DIP2C: variants seen among roughly 807,000 people sequenced by gnomAD.
DIP2C encodes the protein disco-interacting protein 2 homolog C.
DIP2C carries 33 observed loss-of-function variants against 192.4 expected under a neutral mutation model. The observed-to-expected ratio is 0.17, with a 90% CI of 0.13 to 0.23. The LOEUF (loss-of-function observed/expected upper bound fraction) is 0.23. Among genes scored for constraint, DIP2C ranks in the 10% least tolerant of loss-of-function variants. DIP2C has a pLI of 1.00. For synonymous variants in DIP2C, 979 were observed against 864.1 expected, an observed-to-expected ratio of 1.13 and a Z score of -2.33; for missense variants, 1,537 against 2,110.1, an observed-to-expected ratio of 0.73 and a Z score of 5.32.
chr10:664,938 C>A (rs1409980871), intron 1 of DIP2C: 3 of 152,078 alleles, frequency 2.0e-5, no homozygotes, highest in Non-Finnish European at 4.4e-5. Context: ...ACATTAAAAC[C>A]TTTATAACGA....
chr10:495,555 G>A (rs1844766949), intron 1 of DIP2C, among the ~76,000 whole-genome samples: 1 of 148,034 alleles, frequency 6.8e-6, no homozygotes, highest in African/African-American at 2.6e-5. Flanking sequence ...TTCTTCTAGC[G>A]ACTCTCTCAG....
In DIP2C at chr10:390,781, C is replaced by T. The variant is rs1484245093; in HGVS notation, c.1343G>A (p.Gly448Glu). 6.2e-7 allele frequency: 1 copy of T among 1,614,112 alleles called. No individual in the cohort carries two copies. Among genetic ancestry groups the T allele is most frequent in the Admixed American group, 1.7e-5 (1 of 60,002 alleles). ...CTCTCCCGTTGGGCTTTTTGGAAGT[C>T]CTTTATGGCAGGCGTCACTAGTCAA... ...VALTSDACHKGLPKSPTGEIP... is the reference protein window; with the variant it reads ...VALTSDACHKELPKSPTGEIP... Residue 448 changes from glycine to glutamate, a missense_variant, in exon 11 of 37, where the codon GGA becomes GAA. Physicochemically the swap from Gly to Glu is moderately conservative, Grantham distance 98. Around this residue, in one of 4 missense-constraint regions of DIP2C, gnomAD observed 677 missense variants for 989.9 expected, o/e 0.68. Coordinates refer to ENST00000280886, the MANE Select transcript of DIP2C (RefSeq NM_014974.3).
chr10:617,873 C>T (rs1470591827), intron 1 of DIP2C, among the ~76,000 whole-genome samples: 1 of 152,164 alleles, frequency 6.6e-6, no homozygotes, highest in African/African-American at 2.4e-5. Flanking sequence ...TCCAAGGGCA[C>T]TCATCTGTTC....
intron 1 of DIP2C, among the ~76,000 whole-genome samples, chr10:556,796 A>C (rs1034791389): frequency 6.6e-6 from 1 of 152,138 alleles, no homozygotes; most frequent in Non-Finnish European, 1.5e-5. Flanking sequence ...AAACCACCCT[A>C]AACAAGTGTG....
intron 32 of DIP2C, among the ~76,000 whole-genome samples, chr10:296,967 A>G (rs1589414830): frequency 6.6e-6 from 1 of 151,768 alleles, no homozygotes; most frequent in East Asian, 1.9e-4. Flanking sequence ...CAGCATACCA[A>G]CGTGGCACAT....
intron 1 of DIP2C, among the ~76,000 whole-genome samples, chr10:583,912 C>T (rs911702806): frequency 1.3e-5 from 2 of 152,182 alleles, no homozygotes; most frequent in Non-Finnish European, 2.9e-5. Context: ...GCCTAGAGAT[C>T]GCCTGTAATG....
intron 3 of DIP2C, among the ~76,000 whole-genome samples, chr10:469,790 T>C (rs373020178): frequency 6.6e-6 from 1 of 152,148 alleles, no homozygotes; most frequent in Non-Finnish European, 1.5e-5. Context: ...CAGGATCAAG[T>C]CCAAATTCCC....
intron 3 of DIP2C, among the ~76,000 whole-genome samples, chr10:459,177 C>T (rs1033350673): frequency 1.3e-5 from 2 of 152,142 alleles, no homozygotes; most frequent in Non-Finnish European, 2.9e-5. Flanking sequence ...GTCACAGAAT[C>T]CACTGGCTCT....
At chr10:296,445 G>A (rs1352767064) in intron 32 of DIP2C, among the ~76,000 whole-genome samples, 1 of 152,112 alleles carries the variant, frequency 6.6e-6, no homozygotes, top group East Asian at 1.9e-4. Flanking sequence ...TGGTGGGACT[G>A]TAAACTAGTT....
At chr10:679,459 C>T (rs1831033384) in intron 1 of DIP2C, among the ~76,000 whole-genome samples, 1 of 96,926 alleles carries the variant, frequency 1.0e-5, no homozygotes, top group Non-Finnish European at 2.1e-5. Context: ...CTCCCTGCAC[C>T]CGTCCTCCCC....
intron 28 of DIP2C, among the ~76,000 whole-genome samples, chr10:342,448 G>A (rs756243368): frequency 1.1e-4 from 16 of 152,148 alleles, no homozygotes; most frequent in Admixed American, 2.6e-4. Flanking sequence ...ACGAGACACC[G>A]CGCCTGGCCT....
chr10:598,043 CCT>C (rs887544405), intron 1 of DIP2C, among the ~76,000 whole-genome samples: 4 of 152,216 alleles, frequency 2.6e-5, no homozygotes, highest in African/African-American at 9.6e-5. Context: ...AGGAGGGCCT[CCT>C]CTAACCACCG....
At chr10:338,993 G>A (rs61837319) in intron 29 of DIP2C, among the ~76,000 whole-genome samples, 14,606 of 151,502 alleles carry the variant, frequency 0.096, 759 homozygotes, top group Middle Eastern at 0.17. Context: ...ACACCCCTCT[G>A]TGGACTCCCC....
chr10:592,417 T>C (rs971603044), intron 1 of DIP2C, among the ~76,000 whole-genome samples: 31 of 152,338 alleles, frequency 2.0e-4, no homozygotes, highest in African/African-American at 6.5e-4. Flanking sequence ...ATAATCCAAA[T>C]GTCCATCGAT....
At chr10:582,637 A>C (rs1351118128) in intron 1 of DIP2C, among the ~76,000 whole-genome samples, 1 of 152,188 alleles carries the variant, frequency 6.6e-6, no homozygotes, top group African/African-American at 2.4e-5. Flanking sequence ...TAGGTGGAGG[A>C]AACACCGCAG....
intron 1 of DIP2C, among the ~76,000 whole-genome samples, chr10:674,964 T>C (rs1830823442): frequency 6.6e-6 from 1 of 151,872 alleles, no homozygotes; most frequent in African/African-American, 2.4e-5. Context: ...TTACAGAACA[T>C]TTCATCCAAC....
rs181394902 is a variant in DIP2C at position 483,467 on chromosome 10, C to T, written c.157+2992G>A. On this transcript the variant is annotated intron_variant, in intron 2 of 36. Coordinates refer to ENST00000280886, the MANE Select transcript of DIP2C (RefSeq NM_014974.3). ...AGCAACGTCTCCAAATGAAGGTCGGCAGGGAAACAGCCTCGCTGGGGCCCT... is the reference window on the plus strand; with the variant it reads ...AGCAACGTCTCCAAATGAAGGTCGGTAGGGAAACAGCCTCGCTGGGGCCCT... Among the ~76,000 whole-genome samples, 6 of 152,380 alleles carry T rather than the reference C, an allele frequency of 3.9e-5. No homozygotes were observed. In the East Asian group the frequency reaches 1.2e-3, roughly 29 times the overall value.
At chr10:646,466 C>T (rs950935898) in intron 1 of DIP2C, among the ~76,000 whole-genome samples, 1 of 152,198 alleles carries the variant, frequency 6.6e-6, no homozygotes, top group African/African-American at 2.4e-5. Flanking sequence ...GGACGGGTGG[C>T]GACCGCACCA....
intron 8 of DIP2C, among the ~76,000 whole-genome samples, chr10:409,238 G>C (rs147279855): frequency 9.2e-5 from 14 of 151,972 alleles, no homozygotes; most frequent in African/African-American, 3.1e-4. Context: ...AAAACTTCAG[G>C]AGAGAGAATG....
Sources: allele counts gnomAD v4.1 joint callset (sites outside exome capture counted in the v4.1 genomes callset), GRCh38; gene constraint gnomAD v4.1.1; regional missense constraint gnomAD v4.1.1; transcripts MANE v1.5; gene names NCBI Gene and HGNC (gene_info 2026-07-23, HGNC 2026-07-21).